WDR89: variants seen among roughly 807,000 people sequenced by gnomAD.
WDR89 encodes WD repeat domain 89, also known as WD repeat-containing protein 89.
Under a neutral mutation model 29.1 loss-of-function variants are expected in WDR89, and 17 were observed. The observed-to-expected ratio is 0.58, with a 90% CI of 0.40 to 0.88. WDR89 has a LOEUF of 0.88. Among genes scored for constraint, WDR89 ranks in the 40% least tolerant of loss-of-function variants. WDR89 has a pLI of 0.00. For synonymous variants in WDR89, 138 were observed against 157.8 expected (o/e 0.87, Z 0.94); for missense variants, 396 against 456.3 (o/e 0.87, Z 1.20).
chr14:63,600,162 C>G (rs898437781), intron 2 of WDR89, among the ~76,000 whole-genome samples, 189 bp from the exon 3 acceptor site: 10 of 152,104 alleles, frequency 6.6e-5, no homozygotes, highest in Admixed American at 1.3e-4. Context: ...TATGATGTAA[C>G]TAAAACTCAG....
Position 63,599,540 on chromosome 14 carries a change from C to T in WDR89, c.403G>A (p.Glu135Lys). The T allele has an allele frequency of 1.2e-6, 2 of 1,614,170 alleles. No homozygotes were observed. Among genetic ancestry groups the T allele is most frequent in the Non-Finnish European group, 1.7e-6 (2 of 1,180,018 alleles). Residue 135 changes from glutamate (E) to lysine (K), a missense_variant, in exon 3 of 3, where the codon GAA (glutamate) becomes AAA (lysine). Transcript: ENST00000620954. Reference protein sequence around the residue: ...CNDHIICAGTEKVDDDALLVF... With the variant: ...CNDHIICAGTKKVDDDALLVF... ...AACAATGCATCATCATCAACTTTTT[C>T]TGTACCAGCACAAATAATATGATCA...
intron 1 of WDR89, among the ~76,000 whole-genome samples, chr14:63,628,514 G>T (rs1883208157): frequency 6.6e-6 from 1 of 152,136 alleles, no homozygotes; most frequent in Non-Finnish European, 1.5e-5. Flanking sequence ...ATGAGATGGG[G>T]TCAAGATCTT....
rs980499985 is a variant in WDR89 at position 63,612,249 on chromosome 14, G to C, written c.-31-12276C>G. ...ATAATAAACTGGAAATTATACAGCA[G>C]AGCCAACAGAATCTCTTTCCATATG... On this transcript the variant is annotated intron_variant, in intron 2 of 2. Coordinates refer to ENST00000620954, the MANE Select transcript of WDR89 (RefSeq NM_080666.4). 2.6e-5 allele frequency among the ~76,000 whole-genome samples: 4 copies of C among 151,972 alleles called. No individual in the cohort carries two copies. The South Asian group carries it at 8.3e-4, about 32-fold the overall frequency.
chr14:63,625,956 C>T (rs572201033), intron 1 of WDR89, among the ~76,000 whole-genome samples: 23 of 151,512 alleles, frequency 1.5e-4, no homozygotes, highest in Non-Finnish European at 2.5e-4. Flanking sequence ...CGGGTTCAAG[C>T]GATTCTCCTT....
intron 2 of WDR89, among the ~76,000 whole-genome samples, chr14:63,622,455 C>G (rs756035323): frequency 5.9e-5 from 9 of 152,202 alleles, no homozygotes; most frequent in Non-Finnish European, 1.2e-4. Context: ...GTGGCACATG[C>G]CTATAATCCC....
At chr14:63,601,701 A>T in intron 2 of WDR89, 1 of 1,596,530 alleles carries the variant, frequency 6.3e-7, no homozygotes, top group Non-Finnish European at 8.6e-7. Context: ...AGTTCGTGTG[A>T]AAGTTGGAGA....
intron 2 of WDR89, among the ~76,000 whole-genome samples, chr14:63,619,187 A>G (rs751402665): frequency 2.6e-5 from 4 of 152,198 alleles, no homozygotes; most frequent in Admixed American, 6.6e-5. Context: ...AGCAACAAGG[A>G]GAAAACTCTC....
chr14:63,597,116 G>A lies in WDR89; in HGVS notation c.*1663C>T, dbSNP rs1298390615. Reference sequence around the variant, plus strand: ...AGGCCTCAAGAAACTTACAATCATGGGGGAACGCAAAGGGGAAGCAAAGCA... The same window carrying A: ...AGGCCTCAAGAAACTTACAATCATGAGGGAACGCAAAGGGGAAGCAAAGCA... On this transcript the variant is annotated 3_prime_UTR_variant, in exon 3 of 3. Transcript: ENST00000620954. 1.3e-5 allele frequency: 2 copies of A among 152,188 alleles called. No individual in the cohort carries two copies. The highest frequency in any genetic ancestry group is 2.9e-5 in the Non-Finnish European group (2 of 68,044). The allele number at this position is 152,188 out of a possible 1,614,324, so 9.4% of individuals were successfully genotyped here.
intron 1 of WDR89, among the ~76,000 whole-genome samples, chr14:63,634,238 C>T (rs1240746559): frequency 1.3e-5 from 2 of 152,048 alleles, no homozygotes; most frequent in African/African-American, 4.8e-5. Flanking sequence ...AACACAAAAA[C>T]TGGCCAGGTG....
intron 1 of WDR89, among the ~76,000 whole-genome samples, chr14:63,626,264 A>T (rs1883040912): frequency 6.6e-6 from 1 of 152,184 alleles, no homozygotes; most frequent in South Asian, 2.1e-4. Context: ...ATAACACACT[A>T]TCAAAGGTTA....
At chr14:63,610,547 C>T (rs558827906) in intron 2 of WDR89, among the ~76,000 whole-genome samples, 10 of 152,140 alleles carry the variant, frequency 6.6e-5, no homozygotes, top group African/African-American at 1.2e-4. Context: ...TCAAGGGTAA[C>T]ATCATCAGCA....
chr14:63,601,266 G>A (rs1245552314), intron 2 of WDR89, among the ~76,000 whole-genome samples: 1 of 151,846 alleles, frequency 6.6e-6, no homozygotes, highest in East Asian at 1.9e-4. Flanking sequence ...GAGGTTCCCA[G>A]TATAGAATCC....
At chr14:63,632,176 T>TG (rs951243202) in intron 1 of WDR89, among the ~76,000 whole-genome samples, 23 of 142,370 alleles carry the variant, frequency 1.6e-4, no homozygotes, top group Admixed American at 2.1e-4. Flanking sequence ...ATCAAGAAAA[T>TG]GGGGGGAAAA....
At chr14:63,606,934 G>A (rs997191843) in intron 2 of WDR89, among the ~76,000 whole-genome samples, 1 of 152,160 alleles carries the variant, frequency 6.6e-6, no homozygotes, top group African/African-American at 2.4e-5. Flanking sequence ...GTGAATCTGT[G>A]TTCATTCCAA....
intron 1 of WDR89, 111 bp from the exon 2 acceptor site, chr14:63,625,144 C>T (rs953675137): frequency 6.6e-6 from 1 of 151,694 alleles, no homozygotes; most frequent in Admixed American, 6.6e-5. Context: ...CAAATTGTGG[C>T]ATACATATAT....
At chr14:63,635,015 A>G (rs902556318) in intron 1 of WDR89, among the ~76,000 whole-genome samples, 3 of 151,428 alleles carry the variant, frequency 2.0e-5, no homozygotes, top group Non-Finnish European at 3.0e-5. Flanking sequence ...CTGTCTCCAA[A>G]AAAAAAAAAA....
chr14:63,637,696 C>T (rs1883826661), intron 1 of WDR89, among the ~76,000 whole-genome samples: 1 of 151,930 alleles, frequency 6.6e-6, no homozygotes, highest in South Asian at 2.1e-4. Flanking sequence ...AGTGAAGTAA[C>T]TCAGGAATAG....
chr14:63,610,860 C>G (rs1044655806), intron 2 of WDR89, among the ~76,000 whole-genome samples: 1 of 151,968 alleles, frequency 6.6e-6, no homozygotes, highest in Non-Finnish European at 1.5e-5. Flanking sequence ...CACCACCACA[C>G]CTGGCTAATT....
chr14:63,637,497 T>C (rs1191799896), intron 1 of WDR89, among the ~76,000 whole-genome samples: 1 of 152,196 alleles, frequency 6.6e-6, no homozygotes, highest in Non-Finnish European at 1.5e-5. Context: ...AACTGCATAA[T>C]CGTGGAACCA....
Sources: gnomAD v4.1 joint callset for allele counts (sites outside exome capture counted in the v4.1 genomes callset) on GRCh38, gnomAD v4.1.1 for gene constraint, MANE v1.5 for transcripts, NCBI Gene and HGNC (gene_info 2026-07-23, HGNC 2026-07-21) for gene names.